TNKS: variants seen among roughly 807,000 people sequenced by gnomAD.
TNKS encodes poly [ADP-ribose] polymerase tankyrase-1.
In TNKS, 72 loss-of-function variants were observed where a neutral mutation model predicts 135.8. That is an observed-to-expected ratio of 0.53 (90% confidence interval 0.44 to 0.64). The LOEUF is 0.64. TNKS is among the 30% of genes least tolerant of loss of function. The pLI, the probability that TNKS is intolerant of heterozygous loss-of-function variation, is 0.00. For missense variants in TNKS, 1,769 were observed against 1,674.0 expected (o/e 1.06, Z -0.99); for synonymous variants, 849 against 649.3 (o/e 1.31, Z -4.68).
intron 1 of TNKS, among the ~76,000 whole-genome samples, chr8:9,565,020 A>T (rs1797472301): frequency 6.6e-6 from 1 of 151,972 alleles, no homozygotes; most frequent in African/African-American, 2.4e-5. Flanking sequence ...TAAAAAAAAA[A>T]AATCACTTTG....
Position 9,701,367 on chromosome 8 carries a change from G to A in TNKS, c.1108-3296G>A, listed in dbSNP as rs78559050. On this transcript the variant is annotated intron_variant, in intron 5 of 26. Transcript: ENST00000310430. ...AAGAAAGTTGTGTAAAAGATAATAC[G>A]AAAATGGAGCATCTTTTTGTTCATA... is the stretch of plus-strand genomic sequence containing the variant. Among the ~76,000 whole-genome samples, 23 of 152,258 alleles carry A rather than the reference G, an allele frequency of 1.5e-4. No homozygotes were observed. The East Asian group carries it at 3.7e-3, about 24-fold the overall frequency.
chr8:9,615,245 CAGTT>C (rs1020498152), intron 2 of TNKS: 10 of 176,002 alleles, frequency 5.7e-5, no homozygotes, highest in African/African-American at 1.9e-4. Context: ...GGCAGGTTCA[CAGTT>C]AGCATATTTC....
intron 1 of TNKS, among the ~76,000 whole-genome samples, chr8:9,570,902 A>G (rs1361904409): frequency 6.6e-6 from 1 of 152,190 alleles, no homozygotes; most frequent in African/African-American, 2.4e-5. Flanking sequence ...ACTGGAAGTC[A>G]AGTTTGCAGT....
chr8:9,693,822 C>T (rs1455479447), intron 5 of TNKS, among the ~76,000 whole-genome samples: 1 of 152,192 alleles, frequency 6.6e-6, no homozygotes, highest in Non-Finnish European at 1.5e-5. Context: ...TATGCACACG[C>T]ACACACAATT....
intron 3 of TNKS, among the ~76,000 whole-genome samples, chr8:9,647,411 T>A (rs1262318450): frequency 6.6e-6 from 1 of 152,186 alleles, no homozygotes; most frequent in Non-Finnish European, 1.5e-5. Context: ...AGAGTGAAAT[T>A]GAATAAGATC....
intron 21 of TNKS, among the ~76,000 whole-genome samples, chr8:9,762,519 T>C (rs1371279892): frequency 1.3e-5 from 2 of 152,128 alleles, no homozygotes; most frequent in South Asian, 4.1e-4. Context: ...TTTTTTTGTG[T>C]CAGACATAGC....
At position 9,735,475 on chromosome 8, in the gene TNKS, G is replaced by A. The variant is rs1048168045; in HGVS notation, c.2632G>A (p.Ala878Thr). The part of the protein sequence containing the change: ...KGGLIPLHNA[A>T]SYGHVDIAAL... ...TGGTTTAATTCCTCTTCATAATGCGGCATCTTATGGGGTAAGCATACTAAC... is the reference window on the plus strand; with the variant it reads ...TGGTTTAATTCCTCTTCATAATGCGACATCTTATGGGGTAAGCATACTAAC... The change falls in exon 17 of 27, where the codon GCA becomes ACA. Residue 878 changes from alanine to threonine, a missense_variant. Coordinates refer to ENST00000310430, the MANE Select transcript of TNKS (RefSeq NM_003747.3). 6.2e-7 allele frequency: 1 copy of A among 1,613,120 alleles called. No individual in the cohort carries two copies. Among genetic ancestry groups the A allele is most frequent in the Non-Finnish European group, 8.5e-7 (1 of 1,179,188 alleles).
intron 2 of TNKS, among the ~76,000 whole-genome samples, chr8:9,613,038 C>T (rs886288664): frequency 4.6e-5 from 7 of 152,080 alleles, no homozygotes; most frequent in African/African-American, 1.7e-4. Flanking sequence ...AGTGGTTGTT[C>T]TTGCTGTCTC....
chr8:9,577,650 C>T (rs779623095), intron 1 of TNKS, among the ~76,000 whole-genome samples: 9 of 152,170 alleles, frequency 5.9e-5, no homozygotes, highest in Non-Finnish European at 1.3e-4. Flanking sequence ...ATCCACTCAC[C>T]TACCACCAGG....
intron 3 of TNKS, among the ~76,000 whole-genome samples, chr8:9,622,439 G>T (rs1464993959): frequency 6.6e-6 from 1 of 152,186 alleles, no homozygotes; most frequent in Non-Finnish European, 1.5e-5. Flanking sequence ...ATGAAGCTGT[G>T]AAGTAGATAT....
intron 3 of TNKS, among the ~76,000 whole-genome samples, chr8:9,644,178 C>T (rs1469156446): frequency 6.6e-6 from 1 of 152,084 alleles, no homozygotes; most frequent in Non-Finnish European, 1.5e-5. Flanking sequence ...TTGAAGAGTG[C>T]TGTGAATGGA....
Position 9,700,596 on chromosome 8 carries a change from C to A in TNKS, c.1108-4067C>A, listed in dbSNP as rs1377556069. Among the ~76,000 whole-genome samples the A allele has an allele frequency of 5.7e-5, 6 of 105,822 alleles. No homozygotes were observed. In the East Asian group the frequency reaches 1.3e-3, roughly 23 times the overall value. The allele number at this position is 105,822 out of a possible 152,430, so 69.4% of individuals were successfully genotyped here. A position where few individuals can be genotyped will look rare whatever the true frequency, so the allele number is the denominator to read the frequency against. On this transcript the variant is annotated intron_variant, in intron 5 of 26. Transcript: ENST00000310430. ...ATTATTTCCCTCTGGGCTCTCCTTT[C>A]CCTTACACTCCCTTCTTTTTTTTTT...
At position 9,777,012 on chromosome 8, in the gene TNKS, C is replaced by T. The variant is rs984203653; in HGVS notation, c.*276C>T. On this transcript the variant is annotated 3_prime_UTR_variant, in exon 27 of 27. Transcript: ENST00000310430. ...ATTATCCATTTCTAAAACAAGATTG[C>T]TTCGATCTAGACTTGGAAATGGAAA... 2 of 403,708 alleles carry T rather than the reference C, an allele frequency of 5.0e-6. No individual in the cohort carries two copies. Among genetic ancestry groups the T allele is most frequent in the African/African-American group, 2.0e-5 (1 of 50,310 alleles). 25.0% of individuals were successfully genotyped at this position (403,708 alleles called of 1,614,324 possible).
chr8:9,598,705 A>ATGTGTGTGTG lies in TNKS; in HGVS notation c.899-16857_899-16848dup, dbSNP rs376761155. On this transcript the variant is annotated intron_variant, in intron 2 of 26. Coordinates refer to ENST00000310430, the MANE Select transcript of TNKS (RefSeq NM_003747.3). ...CACAGAGCAAGACCTTGTCTAAAAT[A>ATGTGTGTGTG]TGTGTGTGTGTGTGTGTGTGTGTGT... Among the ~76,000 whole-genome samples, 987 of 108,218 alleles carry ATGTGTGTGTG rather than the reference A, an allele frequency of 9.1e-3. 20 individuals are homozygous for ATGTGTGTGTG. Among genetic ancestry groups the ATGTGTGTGTG allele is most frequent in the African/African-American group, 0.032 (929 of 29,306 alleles). 71.0% of individuals were successfully genotyped at this position (108,218 alleles called of 152,430 possible).
chr8:9,747,883 C>G, intron 17 of TNKS, 141 bp from the exon 18 acceptor site: 1 of 829,620 alleles, frequency 1.2e-6, no homozygotes, highest in Non-Finnish European at 1.8e-6. Flanking sequence ...CTGAAATACT[C>G]TTTTTTTTAG....
At chr8:9,740,583 G>C (rs1805890580) in intron 17 of TNKS, among the ~76,000 whole-genome samples, 1 of 152,112 alleles carries the variant, frequency 6.6e-6, no homozygotes. Context: ...TTCCAAGTAT[G>C]ATATAAATTA....
At chr8:9,723,632 C>T (rs1039394671) in intron 12 of TNKS, among the ~76,000 whole-genome samples, 3 of 152,208 alleles carry the variant, frequency 2.0e-5, no homozygotes. Context: ...TAGACTTGCT[C>T]TTTCCAATAT....
In TNKS at chr8:9,735,083, A is replaced by C; in HGVS notation, c.2532A>C (p.Ala844=). 13 of 1,612,820 alleles carry C rather than the reference A, an allele frequency of 8.1e-6. No individual in the cohort carries two copies. The highest frequency in any genetic ancestry group is 1.1e-5 in the Non-Finnish European group (13 of 1,179,456). The part of the protein sequence containing the change: ...QGRNSTPLHL[A]AGYNNLEVAE... ...GAAATTCAACCCCTCTGCACCTGGC[A>C]GGTAAGCGCCCCCAGTGCCTCCAAG... is the stretch of plus-strand genomic sequence containing the variant. Residue 844 remains alanine, a splice_region_variant and synonymous_variant, in exon 16 of 27, where the codon GCA becomes GCC. Coordinates refer to ENST00000310430, the MANE Select transcript of TNKS (RefSeq NM_003747.3).
chr8:9,679,891 T>A, intron 3 of TNKS, 60 bp from the exon 4 acceptor site: 1 of 1,345,432 alleles, frequency 7.4e-7, no homozygotes, highest in East Asian at 2.3e-5. Context: ...TGCTGCCTAC[T>A]GCATTTCTTA....
Sources: gnomAD v4.1 joint callset for allele counts (sites outside exome capture counted in the v4.1 genomes callset) on GRCh38, gnomAD v4.1.1 for gene constraint, MANE v1.5 for transcripts, NCBI Gene and HGNC (gene_info 2026-07-23, HGNC 2026-07-21) for gene names.